The following ZNF28 variants were observed in gnomAD, a reference collection of about 807,000 sequenced individuals.
The protein encoded by ZNF28 is zinc finger protein 28, also known as zinc finger protein KOX24.
ZNF28 carries 5 observed loss-of-function variants against 7.2 expected under a neutral mutation model. The ratio of observed to expected loss-of-function variants is 0.70; its 90% CI spans 0.36 to 1.46. The LOEUF is 1.46. Among genes scored for constraint, ZNF28 ranks in the 40% most tolerant of loss-of-function variants. The pLI is 0.03. For synonymous variants in ZNF28, 288 were observed against 292.4 expected (o/e 0.99, Z 0.15); for missense variants, 879 against 866.6 (o/e 1.01, Z -0.18).
At chr19:52,803,892 G>A (rs570652694) in intron 3 of ZNF28, among the ~76,000 whole-genome samples, 1 of 152,198 alleles carries the variant, frequency 6.6e-6, no homozygotes, top group Non-Finnish European at 1.5e-5. Context: ...AGAAGGTGAA[G>A]GTTGCAGTGA....
At chr19:52,810,003 C>G in intron 2 of ZNF28, 1 of 760,902 alleles carries the variant, frequency 1.3e-6, no homozygotes, top group South Asian at 1.5e-5. Flanking sequence ...GCCTGAGGAG[C>G]TGCTGTTGGA....
Position 52,800,331 on chromosome 19 carries a change from C to A in ZNF28, c.1514G>T (p.Arg505Leu), listed in dbSNP as rs376895345. The A allele has an allele frequency of 1.9e-6, 3 of 1,613,496 alleles. No homozygotes were observed. Among genetic ancestry groups the A allele is most frequent in the East Asian group, 2.2e-5 (1 of 44,850 alleles). Residue 505 changes from arginine to leucine, a missense_variant, in exon 4 of 4, where the codon CGG becomes CTG. Coordinates refer to ENST00000457749, the MANE Select transcript of ZNF28 (RefSeq NM_006969.5). ...ATGTTCTGTAAGGCATGAATCACTCCGGAAAGCCTTGTCACAAACCTTACA... is the reference window on the plus strand; with the variant it reads ...ATGTTCTGTAAGGCATGAATCACTCAGGAAAGCCTTGTCACAAACCTTACA... ...YKCKVCDKAF[R>L]SDSCLTEHQR...
chr19:52,817,323 G>T (rs1379322383), intron 2 of ZNF28, among the ~76,000 whole-genome samples: 1 of 152,050 alleles, frequency 6.6e-6, no homozygotes, highest in Non-Finnish European at 1.5e-5. Context: ...GGTGAGCTGA[G>T]ATCACGCCAT....
intron 2 of ZNF28, chr19:52,809,688 C>G (rs1045744618): frequency 5.7e-5 from 21 of 367,892 alleles, no homozygotes; most frequent in Non-Finnish European, 1.4e-5. Context: ...TGCCTGTAAT[C>G]TCAGCTACTC....
chr19:52,805,501 C>G (rs1278062505), intron 3 of ZNF28: 2 of 151,816 alleles, frequency 1.3e-5, no homozygotes, highest in African/African-American at 4.8e-5. Context: ...GTGGTGCACA[C>G]TTGTAGTTGC....
chr19:52,810,140 C>G, intron 2 of ZNF28: 1 of 893,918 alleles, frequency 1.1e-6, no homozygotes, highest in African/African-American at 1.6e-5. Flanking sequence ...TCGAGGGTGA[C>G]CCGGGGCTGG....
Position 52,820,248 on chromosome 19 carries a change from G to T in ZNF28, c.-74+1338C>A, listed in dbSNP as rs1163394376. On this transcript the variant is annotated intron_variant, in intron 1 of 3. Coordinates refer to ENST00000457749, the MANE Select transcript of ZNF28 (RefSeq NM_006969.5). ...TTCTCCTGCCTCAGCCTCCCGAGTAGCTGGGACTACAGGCGCCCGCCACCG... is the reference window on the plus strand; with the variant it reads ...TTCTCCTGCCTCAGCCTCCCGAGTATCTGGGACTACAGGCGCCCGCCACCG... Among the ~76,000 whole-genome samples, 6 of 137,924 alleles carry T rather than the reference G, an allele frequency of 4.4e-5. 2 individuals are homozygous for T. Among genetic ancestry groups the T allele is most frequent in the African/African-American group, 1.8e-4 (6 of 32,982 alleles). 90.5% of individuals were successfully genotyped at this position (137,924 alleles called of 152,430 possible).
intron 2 of ZNF28, among the ~76,000 whole-genome samples, chr19:52,811,576 G>A (rs2063040334): frequency 1.4e-5 from 2 of 147,140 alleles, no homozygotes; most frequent in Non-Finnish European, 3.0e-5. Flanking sequence ...CGCCTCTGCT[G>A]GGCCGCAACC....
intron 3 of ZNF28, among the ~76,000 whole-genome samples, chr19:52,806,719 T>C (rs1228152484): frequency 6.6e-6 from 1 of 151,806 alleles, no homozygotes; most frequent in Non-Finnish European, 1.5e-5. Flanking sequence ...CTGGCCAACA[T>C]GGTGAAACAC....
In ZNF28 at chr19:52,799,930, C is replaced by G; in HGVS notation, c.1915G>C (p.Glu639Gln). 6.2e-7 allele frequency: 1 copy of G among 1,613,934 alleles called. No individual in the cohort carries two copies. ...ATCTGACTGAAGGTCTTGCCACACTCATTACACTTGTAAGGTTTCTCTCCA... is the reference window on the plus strand; with the variant it reads ...ATCTGACTGAAGGTCTTGCCACACTGATTACACTTGTAAGGTTTCTCTCCA... The part of the protein sequence containing the change: ...HTGEKPYKCN[E>Q]CGKTFSQMSS... The change falls in exon 4 of 4, where the codon GAG (glutamate) becomes CAG (glutamine). Residue 639 changes from glutamate (E) to glutamine (Q), a missense_variant. Physicochemically the swap from Glu to Gln is conservative, Grantham distance 29. This residue lies in a region of ZNF28 where 864 missense variants were observed against 830.2 expected (regional missense o/e 1.04). Transcript: ENST00000457749.
chr19:52,804,678 G>T (rs1207306563), intron 3 of ZNF28, among the ~76,000 whole-genome samples: 6 of 151,938 alleles, frequency 3.9e-5, no homozygotes, highest in Non-Finnish European at 8.8e-5. Context: ...GCCCATTTTT[G>T]GCATTTAGTA....
chr19:52,813,249 G>GAAAAAAAA lies in ZNF28; in HGVS notation c.15+4687_15+4694dup, dbSNP rs71183837. ...TATGAAGATTAAAAACTTGAATGGT[G>GAAAAAAAA]AAAAAAAAAAAAAAAAAAAAAAGAC... is the stretch of plus-strand genomic sequence containing the variant. On this transcript the variant is annotated intron_variant, in intron 2 of 3. Coordinates refer to ENST00000457749, the MANE Select transcript of ZNF28 (RefSeq NM_006969.5). Among the ~76,000 whole-genome samples, 29 of 62,984 alleles carry GAAAAAAAA rather than the reference G, an allele frequency of 4.6e-4. 6 individuals carry two copies. In the East Asian group the frequency reaches 5.7e-3, roughly 12 times the overall value. 41.3% of individuals were successfully genotyped at this position (62,984 alleles called of 152,430 possible). A position where few individuals can be genotyped will look rare whatever the true frequency, so the allele number is the denominator to read the frequency against.
At chr19:52,807,973 A>C (rs780594494) in intron 3 of ZNF28, 34 bp downstream of exon 3, 20 of 1,611,786 alleles carry the variant, frequency 1.2e-5, no homozygotes, top group African/African-American at 2.7e-5. Context: ...ATACAAAGAT[A>C]CACAAGGGCA....
intron 1 of ZNF28, among the ~76,000 whole-genome samples, chr19:52,818,710 A>ATAAAATAC (rs1555807534): frequency 6.5e-4 from 14 of 21,536 alleles, no homozygotes; most frequent in Non-Finnish European, 2.3e-3. Context: ...CAAAAATAAA[A>ATAAAATAC]AAATACAAAT....
At chr19:52,817,316 G>C (rs1298025552) in intron 2 of ZNF28, among the ~76,000 whole-genome samples, 2 of 151,986 alleles carry the variant, frequency 1.3e-5, no homozygotes, top group Non-Finnish European at 2.9e-5. Context: ...AGGTTGCGGT[G>C]AGCTGAGATC....
At chr19:52,819,381 T>C (rs1040862749) in intron 1 of ZNF28, among the ~76,000 whole-genome samples, 1 of 132,166 alleles carries the variant, frequency 7.6e-6, no homozygotes, top group African/African-American at 3.1e-5. Flanking sequence ...TACCACTCTC[T>C]TTCTTCCATT....
At position 52,801,671 on chromosome 19, in the gene ZNF28, G is replaced by T. The variant is rs2062873705; in HGVS notation, c.174C>A (p.Phe58Leu). The change falls in exon 4 of 4, where the codon TTC becomes TTA. Residue 58 changes from phenylalanine (F) to leucine (L), a missense_variant. By Grantham distance (22) the Phe-to-Leu change is conservative (BLOSUM62 0). Around this residue, in one of 2 missense-constraint regions of ZNF28, gnomAD observed 864 missense variants for 830.2 expected, o/e 1.04. Transcript: ENST00000457749. ...DISSKCMMKT[F>L]FSTGQGNTEA... is the part of the protein sequence containing the mutation. The stretch of plus-strand genomic sequence containing the variant: ...CTGTATTGCCTTGCCCTGTTGAGAA[G>T]AATGTCTTCATCATGCATTTGGAAG... 1 of 1,611,330 alleles carries T rather than the reference G, an allele frequency of 6.2e-7. No individual in the cohort carries two copies. Among genetic ancestry groups the T allele is most frequent in the South Asian group, 1.1e-5 (1 of 90,740 alleles).
At chr19:52,817,717 G>A (rs2063144687) in intron 2 of ZNF28, among the ~76,000 whole-genome samples, 1 of 152,220 alleles carries the variant, frequency 6.6e-6, no homozygotes. Context: ...ATGTCTGGGT[G>A]TGAGACCTTC....
At chr19:52,816,533 G>T (rs907470274) in intron 2 of ZNF28, among the ~76,000 whole-genome samples, 1 of 144,890 alleles carries the variant, frequency 6.9e-6, no homozygotes. Flanking sequence ...GCATGGTGGC[G>T]GGTGCCTGTA....
Sources: gnomAD v4.1 joint callset for allele counts (sites outside exome capture counted in the v4.1 genomes callset) on GRCh38, gnomAD v4.1.1 for gene constraint, gnomAD v4.1.1 regional missense constraint, MANE v1.5 for transcripts, NCBI Gene and HGNC (gene_info 2026-07-23, HGNC 2026-07-21) for gene names.